COLQ: variants seen among roughly 807,000 people sequenced by gnomAD.
COLQ encodes collagen like tail subunit of asymmetric acetylcholinesterase, also known as acetylcholinesterase collagenic tail peptide.
Under a neutral mutation model 69.0 loss-of-function variants are expected in COLQ, and 48 were observed. That is an observed-to-expected ratio of 0.70 (90% CI 0.55 to 0.88). COLQ has a LOEUF of 0.88. COLQ is among the 40% of genes least tolerant of loss of function. The pLI is 0.00. For synonymous variants in COLQ, 217 were observed against 211.2 expected (o/e 1.03, Z -0.24); for missense variants, 618 against 594.6 (o/e 1.04, Z -0.41).
intron 13 of COLQ, 77 bp from the exon 14 acceptor site, chr3:15,456,656 G>C: frequency 6.3e-7 from 1 of 1,590,600 alleles, no homozygotes; most frequent in Non-Finnish European, 8.5e-7. Context: ...GGAGGAAACA[G>C]AATCTCTATC....
At chr3:15,519,712 A>G (rs2063110221) in intron 1 of COLQ, among the ~76,000 whole-genome samples, 1 of 152,194 alleles carries the variant, frequency 6.6e-6, no homozygotes, top group South Asian at 2.1e-4. Flanking sequence ...CAAAAAGCTT[A>G]CCTAAGAGAT....
In COLQ at chr3:15,491,181, TA is replaced by T. The variant is rs753190871; in HGVS notation, c.107-1545del. 2.7e-5 allele frequency among the ~76,000 whole-genome samples: 4 copies of T among 150,508 alleles called. No individual in the cohort carries two copies. In the East Asian group the frequency reaches 7.8e-4, roughly 29 times the overall value. On this transcript the variant is annotated intron_variant, in intron 1 of 16. Transcript: ENST00000383788. Reference sequence around the variant, plus strand: ...GTAAAAATTTCTCTTGAAATGGCCCTAAAAAAAAGAAGAAAAAAAAAGAAAA... The same window carrying T: ...GTAAAAATTTCTCTTGAAATGGCCCTAAAAAAAGAAGAAAAAAAAAGAAAA...
chr3:15,462,489 G>C lies in COLQ; in HGVS notation c.814+3852C>G, dbSNP rs192365296. ...GAAGTGGCTCAAAGGACGGAATGGG[G>C]GGCGGGGGCATCAATCCAAAGAGAT... is the stretch of plus-strand genomic sequence containing the variant. On this transcript the variant is annotated intron_variant, in intron 12 of 16. Transcript: ENST00000383788. Among the ~76,000 whole-genome samples, 454 of 151,642 alleles carry C rather than the reference G, an allele frequency of 3.0e-3. 4 individuals are homozygous for C. Among genetic ancestry groups the C allele is most frequent in the African/African-American group, 9.8e-3 (402 of 40,906 alleles).
chr3:15,489,403 T>C (rs1034449000), intron 2 of COLQ, 122 bp downstream of exon 2: 3 of 892,600 alleles, frequency 3.4e-6, no homozygotes, highest in Non-Finnish European at 5.5e-6. Context: ...CAGTGGAGGG[T>C]TGAGGCTCTC....
intron 12 of COLQ, among the ~76,000 whole-genome samples, chr3:15,463,907 C>T (rs539332019): frequency 1.3e-5 from 2 of 152,322 alleles, no homozygotes; most frequent in South Asian, 4.1e-4. Context: ...ATTCCCCTAA[C>T]AACATGGAAA....
rs143536663 is a variant in COLQ at position 15,500,883 on chromosome 3, C to A, written c.107-11246G>T. Among the ~76,000 whole-genome samples, 5 of 152,334 alleles carry A rather than the reference C, an allele frequency of 3.3e-5. No homozygotes were observed. In the East Asian group the frequency reaches 9.6e-4, roughly 29 times the overall value. ...GGTCTTTAGCCCTGGCACTAACTCA[C>A]TGTGTGACCTAGGACAACCCATTTC... On this transcript the variant is annotated intron_variant, in intron 1 of 16. Transcript: ENST00000383788.
intron 12 of COLQ, among the ~76,000 whole-genome samples, chr3:15,462,322 G>A (rs2062131395): frequency 6.6e-6 from 1 of 152,086 alleles, no homozygotes; most frequent in Admixed American, 6.5e-5. Context: ...AAGCCACCGC[G>A]CCCGGCTGAA....
intron 3 of COLQ, among the ~76,000 whole-genome samples, chr3:15,483,621 C>T (rs547332414): frequency 6.6e-6 from 1 of 152,302 alleles, no homozygotes; most frequent in Admixed American, 6.5e-5. Context: ...CTGACGAGTG[C>T]TTTACTTCCA....
At chr3:15,467,840 C>G (rs1375183881) in intron 11 of COLQ, 1 of 456,540 alleles carries the variant, frequency 2.2e-6, no homozygotes, top group South Asian at 1.5e-5. Context: ...ACAACGGTGA[C>G]AGGTGACCGG....
rs905152880 is a variant in COLQ, at chr3:15,451,376, G to C, written c.*268C>G. On this transcript the variant is annotated 3_prime_UTR_variant, in exon 17 of 17. Coordinates refer to ENST00000383788, the MANE Select transcript of COLQ (RefSeq NM_005677.4). Reference sequence around the variant, plus strand: ...CCAGAAGAGGAAGAGCATTGTAGCCGGTTGTTTGGCCAAATGGTAGCGATG... The same window carrying C: ...CCAGAAGAGGAAGAGCATTGTAGCCCGTTGTTTGGCCAAATGGTAGCGATG... The C allele has an allele frequency of 3.6e-5, 22 of 618,952 alleles. No homozygotes were observed. The highest frequency in any genetic ancestry group is 5.9e-5 in the Non-Finnish European group (20 of 338,326). 38.3% of individuals were successfully genotyped at this position (618,952 alleles called of 1,614,324 possible). A position where few individuals can be genotyped will look rare whatever the true frequency, so the allele number is the denominator to read the frequency against.
At chr3:15,455,751 T>A (rs914201017) in intron 15 of COLQ, 148 bp downstream of exon 15, 2 of 955,006 alleles carry the variant, frequency 2.1e-6, no homozygotes, top group South Asian at 2.8e-5. Context: ...CAGCAGGGAC[T>A]GGGGTGGGTG....
chr3:15,467,740 A>G (rs1412488637), intron 11 of COLQ: 6 of 403,082 alleles, frequency 1.5e-5, no homozygotes, highest in Non-Finnish European at 3.0e-5. Context: ...TCTTCTTACT[A>G]CACTTGCGCC....
chr3:15,454,101 C>A, intron 15 of COLQ, 170 bp from the exon 16 acceptor site: 1 of 635,234 alleles, frequency 1.6e-6, no homozygotes, highest in Non-Finnish European at 2.9e-6. Context: ...AGGCTCTGGT[C>A]CCACAGCGAT....
chr3:15,476,043 G>A lies in COLQ; in HGVS notation c.466-556C>T, dbSNP rs1575475233. Among the ~76,000 whole-genome samples the A allele has an allele frequency of 2.6e-5, 4 of 152,130 alleles. No individual in the cohort carries two copies. The East Asian group carries it at 7.7e-4, about 29-fold the overall frequency. On this transcript the variant is annotated intron_variant, in intron 6 of 16. Coordinates refer to ENST00000383788, the MANE Select transcript of COLQ (RefSeq NM_005677.4). ...CTTAAAGTAAAACTAAACGAATGAA[G>A]TTAATTTTAATAGATCTCCTTTAAT... is the stretch of plus-strand genomic sequence containing the variant.
At chr3:15,469,960 C>A (rs763323488) in intron 11 of COLQ, among the ~76,000 whole-genome samples, 16 of 152,242 alleles carry the variant, frequency 1.1e-4, no homozygotes, top group Non-Finnish European at 1.8e-4. Context: ...ACAGCTAAGG[C>A]TGTCTCTAGA....
At chr3:15,495,246 A>C (rs994220836) in intron 1 of COLQ, among the ~76,000 whole-genome samples, 5 of 152,200 alleles carry the variant, frequency 3.3e-5, no homozygotes, top group African/African-American at 1.2e-4. Flanking sequence ...GAGAACACAC[A>C]CCGGAAGGAA....
intron 2 of COLQ, 87 bp downstream of exon 2, chr3:15,489,438 G>T: frequency 8.1e-7 from 1 of 1,231,674 alleles, no homozygotes; most frequent in Non-Finnish European, 1.2e-6. Context: ...AGGCAGCTCA[G>T]GTGGAGTGGG....
At chr3:15,490,501 T>C (rs537625300) in intron 1 of COLQ, among the ~76,000 whole-genome samples, 2 of 152,370 alleles carry the variant, frequency 1.3e-5, no homozygotes, top group Non-Finnish European at 2.9e-5. Flanking sequence ...GCACTTTATG[T>C]AAATGGAATC....
rs757060689 is a variant in COLQ at position 15,458,185 on chromosome 3, C to T, written c.954+1G>A. 7.4e-6 allele frequency: 12 copies of T among 1,613,310 alleles called. No homozygotes were observed. The highest frequency in any genetic ancestry group is 1.1e-5 in the South Asian group (1 of 91,056). On this transcript the variant is annotated splice_donor_variant, in intron 13 of 16. Transcript: ENST00000383788. LOFTEE classifies it high-confidence loss of function. ...CCCAGACTTCTCCCAGAAAGCCTTA[C>T]CACAGGAACTCGCGGGGAACTGGGC... is the stretch of plus-strand genomic sequence containing the variant.
Sources: gnomAD v4.1 joint callset for allele counts (sites outside exome capture counted in the v4.1 genomes callset) on GRCh38, gnomAD v4.1.1 for gene constraint, MANE v1.5 for transcripts, NCBI Gene and HGNC (gene_info 2026-07-23, HGNC 2026-07-21) for gene names.